KIF26B: variants seen among roughly 807,000 people sequenced by gnomAD.
The protein encoded by KIF26B is kinesin-like protein KIF26B.
KIF26B carries 63 observed loss-of-function variants against 151.2 expected under a neutral mutation model. The observed-to-expected ratio is 0.42, with a 90% confidence interval of 0.34 to 0.51. KIF26B has a LOEUF of 0.51. Among genes scored for constraint, KIF26B ranks in the 20% least tolerant of loss-of-function variants. KIF26B has a pLI of 0.07. For missense variants in KIF26B, 2,813 were observed against 2,913.6 expected, an observed-to-expected ratio of 0.97 and a Z score of 0.79; for synonymous variants, 1,357 against 1,262.1, an observed-to-expected ratio of 1.08 and a Z score of -1.59.
chr1:245,493,901 G>A (rs577850017), intron 4 of KIF26B, among the ~76,000 whole-genome samples: 10 of 152,278 alleles, frequency 6.6e-5, no homozygotes, highest in African/African-American at 2.4e-4. Flanking sequence ...TACTCCAGTC[G>A]TTGTCCCCTT....
At position 245,318,833 on chromosome 1, in the gene KIF26B, T is replaced by C. The variant is rs1197224801; in HGVS notation, c.466-48001T>C. Among the ~76,000 whole-genome samples the C allele has an allele frequency of 1.3e-5, 2 of 151,754 alleles. No individual in the cohort carries two copies. Among genetic ancestry groups the C allele is most frequent in the Non-Finnish European group, 2.9e-5 (2 of 67,998 alleles). Reference sequence around the variant, plus strand: ...CTAAACAGAGTAAAGAGTTTCTCGGTCACAAGGGAAACTTTTACTATTTGA... The same window carrying C: ...CTAAACAGAGTAAAGAGTTTCTCGGCCACAAGGGAAACTTTTACTATTTGA... On this transcript the variant is annotated intron_variant, in intron 2 of 14. Coordinates refer to ENST00000407071, the MANE Select transcript of KIF26B (RefSeq NM_018012.4). This position sits in a 1 kb window ranked among gnomAD's most constrained non-coding sequence, Gnocchi z 4.0.
intron 4 of KIF26B, among the ~76,000 whole-genome samples, chr1:245,443,051 T>C (rs74783509): frequency 0.9 from 22,161 of 24,746 alleles, 10,318 homozygotes; most frequent in East Asian, 0.97. Flanking sequence ...TCACCTAGAG[T>C]GGTCATCTCC....
intron 3 of KIF26B, among the ~76,000 whole-genome samples, chr1:245,382,186 G>C (rs1673427461): frequency 6.6e-6 from 1 of 152,144 alleles, no homozygotes; most frequent in Admixed American, 6.5e-5. Flanking sequence ...ACTCCCACAA[G>C]AGTGCATACG....
At chr1:245,691,827 G>T (rs952248326) in intron 12 of KIF26B, among the ~76,000 whole-genome samples, 2 of 152,170 alleles carry the variant, frequency 1.3e-5, no homozygotes, top group Non-Finnish European at 2.9e-5. Context: ...TATCACCGTG[G>T]TTCCTTCTTG....
intron 2 of KIF26B, among the ~76,000 whole-genome samples, chr1:245,209,274 A>G (rs189959649): frequency 0.011 from 1,676 of 152,068 alleles, 31 homozygotes; most frequent in African/African-American, 0.039. Flanking sequence ...GGTGGTGTAC[A>G]CCTATAATCC....
intron 9 of KIF26B, among the ~76,000 whole-genome samples, chr1:245,634,704 T>C (rs1269434354): frequency 6.6e-6 from 1 of 152,124 alleles, no homozygotes; most frequent in Non-Finnish European, 1.5e-5. Context: ...CCTTTGTATT[T>C]GTTGCTAGAT....
intron 2 of KIF26B, among the ~76,000 whole-genome samples, chr1:245,315,283 G>A (rs1298397672): frequency 6.6e-6 from 1 of 152,162 alleles, no homozygotes; most frequent in Non-Finnish European, 1.5e-5. Context: ...AAAACGCTCT[G>A]GAGATGGATG....
intron 4 of KIF26B, among the ~76,000 whole-genome samples, chr1:245,441,569 C>T (rs763301511): frequency 2.6e-4 from 39 of 152,142 alleles, no homozygotes; most frequent in Non-Finnish European, 5.0e-4. Context: ...CCAGTTCACT[C>T]GGCTAACGTG....
intron 2 of KIF26B, among the ~76,000 whole-genome samples, chr1:245,255,741 T>C (rs763834248): frequency 3.8e-4 from 58 of 152,222 alleles, no homozygotes; most frequent in Admixed American, 7.9e-4. Context: ...CAGTATATTA[T>C]AGATGCAAAA....
intron 4 of KIF26B, among the ~76,000 whole-genome samples, chr1:245,436,153 G>A (rs1306751831): frequency 2.0e-5 from 3 of 151,580 alleles, no homozygotes; most frequent in Non-Finnish European, 4.4e-5. Flanking sequence ...CTCCAGCCTG[G>A]GCGACAGAGT....
chr1:245,248,209 C>T (rs565555874), intron 2 of KIF26B, among the ~76,000 whole-genome samples: 4 of 152,180 alleles, frequency 2.6e-5, no homozygotes, highest in African/African-American at 7.2e-5. Context: ...ACACGGCGAC[C>T]TACTTGGGAA....
intron 5 of KIF26B, among the ~76,000 whole-genome samples, chr1:245,544,988 G>A (rs2103105351): frequency 6.6e-6 from 1 of 152,296 alleles, no homozygotes; most frequent in East Asian, 1.9e-4. Context: ...GGTGATGGAA[G>A]AAATGGAGGT....
intron 4 of KIF26B, among the ~76,000 whole-genome samples, chr1:245,424,832 A>G (rs1414387067): frequency 6.6e-6 from 1 of 152,222 alleles, no homozygotes; most frequent in Non-Finnish European, 1.5e-5. Flanking sequence ...ACGATGGAGC[A>G]TGAAGCACCT....
rs769516810 is a variant in KIF26B at position 245,685,686 on chromosome 1, C to A, written c.2703C>A (p.Gly901=). 3.1e-6 allele frequency: 5 copies of A among 1,612,726 alleles called. No homozygotes were observed. The highest frequency in any genetic ancestry group is 1.1e-5 in the South Asian group (1 of 91,032). The part of the protein sequence containing the change: ...PIVPALQKTR[G]DSRPAEAGEA... ...TGCCAGCCCTGCAGAAGACCCGGGG[C>A]GACAGCCGGCCCGCAGAGGCAGGAG... Residue 901 remains glycine, a synonymous_variant, in exon 12 of 15, where the codon GGC becomes GGA. Transcript: ENST00000407071.
chr1:245,530,807 ACT>A (rs1460677663), intron 4 of KIF26B, among the ~76,000 whole-genome samples: 1 of 152,232 alleles, frequency 6.6e-6, no homozygotes, highest in East Asian at 1.9e-4. Context: ...TTAGGAGTAG[ACT>A]CTAATACAGA....
At chr1:245,435,321 A>G (rs541261277) in intron 4 of KIF26B, among the ~76,000 whole-genome samples, 27 of 152,324 alleles carry the variant, frequency 1.8e-4, no homozygotes, top group Non-Finnish European at 3.2e-4. Context: ...GACAGTGAGA[A>G]AGGACATGGA....
intron 4 of KIF26B, among the ~76,000 whole-genome samples, chr1:245,453,287 C>A (rs1659439027): frequency 1.3e-5 from 2 of 152,090 alleles, no homozygotes; most frequent in Non-Finnish European, 1.5e-5. Context: ...TATTAAGAGC[C>A]ATACAGAAGC....
chr1:245,561,106 T>C lies in KIF26B; in HGVS notation c.1350+20156T>C, dbSNP rs150437947. Among the ~76,000 whole-genome samples the C allele has an allele frequency of 2.1e-3, 314 of 152,322 alleles. 2 individuals carry two copies. Among genetic ancestry groups the C allele is most frequent in the African/African-American group, 7.3e-3 (305 of 41,574 alleles). ...GGTGACCTGGGAGCTGGGAACCTTT[T>C]CAGCCTATGGGTGGCTGTTTATCAC... On this transcript the variant is annotated intron_variant, in intron 5 of 14. Transcript: ENST00000407071.
intron 3 of KIF26B, among the ~76,000 whole-genome samples, chr1:245,396,847 G>T (rs1673857621): frequency 6.6e-6 from 1 of 152,034 alleles, no homozygotes; most frequent in South Asian, 2.1e-4. Context: ...GTAAGGAGTT[G>T]TGAAATACAT....
Sources: gnomAD v4.1 joint callset for allele counts (sites outside exome capture counted in the v4.1 genomes callset) on GRCh38, gnomAD v4.1.1 for gene constraint, Gnocchi (gnomAD v3.1) non-coding constraint, MANE v1.5 for transcripts, NCBI Gene and HGNC (gene_info 2026-07-23, HGNC 2026-07-21) for gene names.